SMG1: variants seen among roughly 807,000 people sequenced by gnomAD.
SMG1 encodes the protein SMG1 nonsense mediated mRNA decay associated PI3K related kinase, also known as serine/threonine-protein kinase SMG1.
SMG1 carries 22 observed loss-of-function variants against 419.9 expected under a neutral mutation model. The observed-to-expected ratio is 0.05, with a 90% CI of 0.04 to 0.07. The LOEUF (loss-of-function observed/expected upper bound fraction) is 0.07, where lower values mean the gene tolerates loss of function less well. Ranked by LOEUF, SMG1 falls within the 10% of genes least tolerant of loss-of-function variation. The pLI is 1.00. For missense variants in SMG1, 3,185 were observed against 4,342.0 expected, an observed-to-expected ratio of 0.73 and a Z score of 7.49; for synonymous variants, 1,538 against 1,553.5, an observed-to-expected ratio of 0.99 and a Z score of 0.23.
chr16:18,840,285 T>C (rs1328980690), intron 41 of SMG1, among the ~76,000 whole-genome samples: 1 of 152,244 alleles, frequency 6.6e-6, no homozygotes, highest in Admixed American at 6.5e-5. Flanking sequence ...TTTATGCACA[T>C]ACTTCATTCT....
chr16:18,837,199 A>G, intron 46 of SMG1, 54 bp downstream of exon 46: 1 of 1,438,928 alleles, frequency 6.9e-7, no homozygotes, highest in South Asian at 1.4e-5. Flanking sequence ...TTACATGAAT[A>G]TGAAAATTCT....
At chr16:18,811,629 A>G (rs1479940613) in intron 62 of SMG1, 132 bp downstream of exon 62, 3 of 859,188 alleles carry the variant, frequency 3.5e-6, no homozygotes, top group African/African-American at 1.7e-5. Context: ...TGTTACTCAA[A>G]ATCTTCTGAA....
rs765353456 is a variant in SMG1, at chr16:18,811,867, G to T, written c.10802C>A (p.Ala3601Glu). The change falls in exon 62 of 63, where the codon GCG becomes GAG. Residue 3601 changes from alanine to glutamate, a missense_variant and splice_region_variant. Transcript: ENST00000446231. ...TGCATAGGAGTTTCTCTCTTGCACC[G>T]CTATGAAGCAACAAAAACATACGTA... ...KAVRDPKTGK[A>E]VQERNSYAVS... The T allele has an allele frequency of 6.2e-7, 1 of 1,613,538 alleles. No individual in the cohort carries two copies. Among genetic ancestry groups the T allele is most frequent in the Non-Finnish European group, 8.5e-7 (1 of 1,179,816 alleles).
intron 36 of SMG1, among the ~76,000 whole-genome samples, 170 bp downstream of exon 36, chr16:18,849,047 G>A (rs1229454339): frequency 2.6e-5 from 3 of 116,748 alleles, no homozygotes; most frequent in Non-Finnish European, 4.9e-5. Context: ...TCCAGCCTGG[G>A]TGACAGAGTG....
At chr16:18,859,497 A>G (rs1423190336) in intron 27 of SMG1, 59 bp downstream of exon 27, 3 of 780,966 alleles carry the variant, frequency 3.8e-6, no homozygotes, top group African/African-American at 3.5e-5. Context: ...TCTTCACCCC[A>G]TGTATGTTTA....
chr16:18,845,026 T>A (rs2034178998), intron 39 of SMG1, among the ~76,000 whole-genome samples: 1 of 152,196 alleles, frequency 6.6e-6, no homozygotes, highest in African/African-American at 2.4e-5. Flanking sequence ...AGCGACTATT[T>A]TATCTGTTAG....
At chr16:18,868,885 T>C (rs1327439674) in intron 20 of SMG1, among the ~76,000 whole-genome samples, 166 bp from the exon 21 acceptor site, 1 of 152,020 alleles carries the variant, frequency 6.6e-6, no homozygotes, top group Non-Finnish European at 1.5e-5. Context: ...GGGAAAGAAA[T>C]ATATATTTTT....
intron 39 of SMG1, 85 bp downstream of exon 39, chr16:18,845,344 A>C: frequency 8.8e-7 from 1 of 1,139,842 alleles, no homozygotes; most frequent in South Asian, 1.5e-5. Context: ...TTACATTCCA[A>C]GTAAGAAGTC....
chr16:18,924,850 T>C (rs894078381), intron 1 of SMG1: 1 of 152,212 alleles, frequency 6.6e-6, no homozygotes, highest in Non-Finnish European at 1.5e-5. Flanking sequence ...AAATGTTACA[T>C]TCTAACATCT....
At chr16:18,809,723 A>G in intron 62 of SMG1, 77 bp from the exon 63 acceptor site, 1 of 1,177,182 alleles carries the variant, frequency 8.5e-7, no homozygotes, top group South Asian at 1.3e-5. Context: ...TCAGCAGACA[A>G]ATTATGCCAA....
In SMG1 at chr16:18,833,180, A is replaced by T. The variant is rs777577347; in HGVS notation, c.8566-14T>A. 5 of 1,605,240 alleles carry T rather than the reference A, an allele frequency of 3.1e-6. No homozygotes were observed. The highest frequency in any genetic ancestry group is 3.4e-6 in the Non-Finnish European group (4 of 1,173,748). ...CGAATTCAATTCCTATAAATATATG[A>T]GAAAAAAACTTTTAATGTTTTTTGA... On this transcript the variant is annotated splice_polypyrimidine_tract_variant and intron_variant, in intron 50 of 62. Transcript: ENST00000446231.
chr16:18,832,893 T>C (rs371923740), intron 51 of SMG1, 47 bp downstream of exon 51: 24 of 1,512,124 alleles, frequency 1.6e-5, no homozygotes, highest in Non-Finnish European at 2.1e-5. Context: ...TTTCTCTGGC[T>C]GTCCCATCTC....
chr16:18,841,550 G>A lies in SMG1; in HGVS notation c.6696+15C>T, dbSNP rs1369353033. The A allele has an allele frequency of 2.5e-6, 4 of 1,606,432 alleles. No homozygotes were observed. The highest frequency in any genetic ancestry group is 3.4e-6 in the Non-Finnish European group (4 of 1,173,118). ...AGAGAATAGACTAATACACTGTGTA[G>A]ATGATTTAATCAACCTTTTGTGCTT... On this transcript the variant is annotated intron_variant, in intron 41 of 62. Transcript: ENST00000446231.
chr16:18,833,060 A>G lies in SMG1; in HGVS notation c.8672T>C (p.Ile2891Thr), dbSNP rs577789874. Residue 2891 changes from isoleucine to threonine, a missense_variant, in exon 51 of 63, where the codon ATT becomes ACT. Ile to Thr is a moderately conservative substitution (Grantham distance 89, BLOSUM62 -1). Around this residue, in one of 27 missense-constraint regions of SMG1, gnomAD observed 737 missense variants for 846.6 expected, o/e 0.87. Transcript: ENST00000446231. The part of the protein sequence containing the change: ...ESMLHELDGL[I>T]EQTTDGVPLQ... ...GGGAACGCCATCGGTGGTCTGCTCA[A>G]TAAGACCGTCCAGTTCATGCAGCAT... The G allele has an allele frequency of 4.7e-5, 76 of 1,613,968 alleles. No individual in the cohort carries two copies. The African/African-American group carries it at 5.6e-4, about 12-fold the overall frequency.
chr16:18,829,832 T>C (rs1345046326), intron 53 of SMG1, 77 bp from the exon 54 acceptor site: 31 of 1,439,840 alleles, frequency 2.2e-5, no homozygotes, highest in Admixed American at 7.4e-5. Context: ...ATTTAAGGTG[T>C]CATGAATGTA....
At chr16:18,914,983 T>C (rs1033230050) in intron 1 of SMG1, among the ~76,000 whole-genome samples, 6 of 149,108 alleles carry the variant, frequency 4.0e-5, no homozygotes, top group Non-Finnish European at 8.8e-5. Context: ...TTTTTCCTCT[T>C]GTTGCCCAGG....
intron 35 of SMG1, among the ~76,000 whole-genome samples, chr16:18,849,677 C>T (rs77914527): frequency 6.6e-6 from 1 of 152,118 alleles, no homozygotes; most frequent in Non-Finnish European, 1.5e-5. Flanking sequence ...ACAATTTTTA[C>T]AGAGGGTATA....
chr16:18,837,926 G>A (rs907526886), intron 45 of SMG1, 88 bp downstream of exon 45: 54 of 1,419,060 alleles, frequency 3.8e-5, no homozygotes, highest in Middle Eastern at 3.6e-4. Context: ...AAAAAAATTA[G>A]AGAAACAATT....
chr16:18,874,004 A>G lies in SMG1; in HGVS notation c.1891-1380T>C, dbSNP rs1295817665. ...CTTCAAACATAAGCTGTAACTGGTA[A>G]TAAGCGAAGCAGCTATGGAATTATA... On this transcript the variant is annotated intron_variant, in intron 13 of 62. Transcript: ENST00000446231. Among the ~76,000 whole-genome samples the G allele has an allele frequency of 3.3e-5, 5 of 152,378 alleles. No homozygotes were observed. The East Asian group carries it at 9.6e-4, about 29-fold the overall frequency.
Sources: gnomAD v4.1 joint callset for allele counts (sites outside exome capture counted in the v4.1 genomes callset) on GRCh38, gnomAD v4.1.1 for gene constraint, gnomAD v4.1.1 regional missense constraint, MANE v1.5 for transcripts, NCBI Gene and HGNC (gene_info 2026-07-23, HGNC 2026-07-21) for gene names.